Variants in NRXN3 observed in about 807,000 individuals in gnomAD.
NRXN3 encodes neurexin III.
A neutral mutation model predicts 137.6 loss-of-function variants in NRXN3; 32 were observed. The ratio of observed to expected loss-of-function variants is 0.23; its 90% confidence interval spans 0.18 to 0.31. NRXN3 has a LOEUF of 0.31. NRXN3 is among the 10% of genes least tolerant of loss of function. The pLI, the probability that NRXN3 is intolerant of heterozygous loss-of-function variation, is 1.00. For missense variants in NRXN3, 1,574 were observed against 2,062.5 expected (o/e 0.76, Z 4.59); for synonymous variants, 798 against 784.5 (o/e 1.02, Z -0.29).
At chr14:78,608,219 C>T (rs1601284346) in intron 4 of NRXN3, among the ~76,000 whole-genome samples, 1 of 152,096 alleles carries the variant, frequency 6.6e-6, no homozygotes, top group African/African-American at 2.4e-5. Context: ...GAGGACACAA[C>T]GGAGTCTTTG....
At chr14:79,314,264 G>A (rs1462717231) in intron 15 of NRXN3, 1 of 128,676 alleles carries the variant, frequency 7.8e-6, no homozygotes, top group Admixed American at 8.0e-5. Flanking sequence ...AAGCGCAAGG[G>A]GTCAGGGAGT....
At chr14:79,165,892 T>C (rs1208819609) in intron 15 of NRXN3, among the ~76,000 whole-genome samples, 1 of 152,028 alleles carries the variant, frequency 6.6e-6, no homozygotes, top group East Asian at 1.9e-4. Context: ...CTGATGGCTA[T>C]GCCAGGTCTC....
chr14:78,247,024 C>T (rs1002580117), intron 2 of NRXN3, among the ~76,000 whole-genome samples: 7 of 152,348 alleles, frequency 4.6e-5, no homozygotes, highest in Admixed American at 1.3e-4. Flanking sequence ...CCGTTTTGTA[C>T]TTCTTGCTTT....
At chr14:79,821,268 C>T (rs1484873236) in intron 20 of NRXN3, among the ~76,000 whole-genome samples, 4 of 152,118 alleles carry the variant, frequency 2.6e-5, no homozygotes, top group Non-Finnish European at 5.9e-5. Context: ...GGTTTGTTTA[C>T]TTGTTTGTTT....
chr14:79,766,122 T>C (rs1324862226), intron 19 of NRXN3, among the ~76,000 whole-genome samples: 1 of 152,232 alleles, frequency 6.6e-6, no homozygotes, highest in East Asian at 1.9e-4. Context: ...GTTTCTATTG[T>C]TTCATTTTAT....
chr14:79,854,947 C>T (rs1050160740), intron 20 of NRXN3, among the ~76,000 whole-genome samples: 1 of 152,274 alleles, frequency 6.6e-6, no homozygotes, highest in Admixed American at 6.5e-5. Flanking sequence ...ATGATACTGA[C>T]GCCTTCCAGT....
chr14:79,257,806 AG>A (rs2077002755), intron 15 of NRXN3, among the ~76,000 whole-genome samples: 1 of 151,974 alleles, frequency 6.6e-6, no homozygotes, highest in Non-Finnish European at 1.5e-5. Flanking sequence ...TAAAGCAAGA[AG>A]AATGTCCAGG....
intron 16 of NRXN3, among the ~76,000 whole-genome samples, chr14:79,636,917 A>G (rs2098406775): frequency 6.6e-6 from 1 of 152,246 alleles, no homozygotes; most frequent in Non-Finnish European, 1.5e-5. Flanking sequence ...CAGAAAGGAT[A>G]AATGACTTGA....
At chr14:78,435,157 G>A (rs570741954) in intron 4 of NRXN3, among the ~76,000 whole-genome samples, 11 of 152,284 alleles carry the variant, frequency 7.2e-5, no homozygotes, top group Admixed American at 3.3e-4. Context: ...TTGTGGCTCT[G>A]TAACTCTCAG....
intron 19 of NRXN3, among the ~76,000 whole-genome samples, chr14:79,762,368 T>A (rs1192004261): frequency 6.6e-6 from 1 of 151,718 alleles, no homozygotes; most frequent in Non-Finnish European, 1.5e-5. Flanking sequence ...TCGAAGCAGA[T>A]GTTGAACTGA....
At chr14:78,926,984 TTA>T (rs1370420447) in intron 10 of NRXN3, among the ~76,000 whole-genome samples, 2 of 46,922 alleles carry the variant, frequency 4.3e-5, no homozygotes, top group Admixed American at 3.3e-4. Context: ...TAATATATTT[TTA>T]TATATATATA....
intron 15 of NRXN3, among the ~76,000 whole-genome samples, chr14:79,107,243 G>A (rs2052620105): frequency 1.3e-5 from 2 of 152,124 alleles, no homozygotes; most frequent in African/African-American, 2.4e-5. Context: ...AGAGTAGAGA[G>A]CAGACACACC....
chr14:78,259,086 C>T (rs937503340), intron 2 of NRXN3, among the ~76,000 whole-genome samples: 13 of 148,270 alleles, frequency 8.8e-5, no homozygotes, highest in Non-Finnish European at 1.3e-4. Flanking sequence ...GAGCCAAGAT[C>T]GTGCTACTGC....
chr14:79,369,157 A>G (rs894891171), intron 15 of NRXN3, among the ~76,000 whole-genome samples: 1 of 152,208 alleles, frequency 6.6e-6, no homozygotes, highest in African/African-American at 2.4e-5. Flanking sequence ...GGAAGTTCCA[A>G]AACTAGGTAG....
At chr14:78,332,107 C>A (rs2080884790) in intron 4 of NRXN3, among the ~76,000 whole-genome samples, 1 of 152,074 alleles carries the variant, frequency 6.6e-6, no homozygotes, top group Admixed American at 6.6e-5. Context: ...GTTTCCTCTT[C>A]TAAAAAGGGA....
At chr14:79,854,583 T>G (rs1458969418) in intron 20 of NRXN3, among the ~76,000 whole-genome samples, 1 of 152,174 alleles carries the variant, frequency 6.6e-6, no homozygotes, top group Non-Finnish European at 1.5e-5. Flanking sequence ...AAAGAAAGCC[T>G]GGCCTCTTTG....
At chr14:79,224,700 T>A (rs1301703293) in intron 15 of NRXN3, among the ~76,000 whole-genome samples, 2 of 152,098 alleles carry the variant, frequency 1.3e-5, no homozygotes, top group African/African-American at 2.4e-5. Flanking sequence ...CTGACTTGTA[T>A]CCTTATAATA....
At chr14:79,373,251 A>G (rs891455998) in intron 15 of NRXN3, among the ~76,000 whole-genome samples, 7 of 152,306 alleles carry the variant, frequency 4.6e-5, no homozygotes, top group African/African-American at 1.2e-4. Context: ...AGTGAAGTGT[A>G]TATTATTGCC....
intron 8 of NRXN3, among the ~76,000 whole-genome samples, chr14:78,722,931 G>A (rs1202686953): frequency 1.3e-5 from 2 of 152,102 alleles, no homozygotes; most frequent in African/African-American, 4.8e-5. Flanking sequence ...CGGCAGACCA[G>A]GCAGGGGAAA....
Sources: allele counts gnomAD v4.1 joint callset (sites outside exome capture counted in the v4.1 genomes callset), GRCh38; gene constraint gnomAD v4.1.1; transcripts MANE v1.5; gene names NCBI Gene and HGNC (gene_info 2026-07-23, HGNC 2026-07-21).